SULF2: variants seen among roughly 807,000 people sequenced by gnomAD.
The protein encoded by SULF2 is sulfatase 2.
Under a neutral mutation model 107.7 loss-of-function variants are expected in SULF2, and 52 were observed. That is an observed-to-expected ratio of 0.48 (90% CI 0.39 to 0.61). The LOEUF is 0.61. SULF2 is among the 20% of genes least tolerant of loss of function. The probability of loss-of-function intolerance (pLI) is 0.00; values close to 1 mark genes in which losing one functional copy is unlikely to be tolerated. For synonymous variants in SULF2, 460 were observed against 464.3 expected (o/e 0.99, Z 0.12); for missense variants, 993 against 1,177.3 (o/e 0.84, Z 2.29).
chr20:47,709,207 G>A (rs903995886), intron 3 of SULF2, among the ~76,000 whole-genome samples: 12 of 152,202 alleles, frequency 7.9e-5, no homozygotes, highest in African/African-American at 2.4e-4. Context: ...TGCCTGGGAA[G>A]CTTGGATTCG....
intron 1 of SULF2, among the ~76,000 whole-genome samples, chr20:47,773,271 C>T (rs2090665291): frequency 1.3e-5 from 2 of 152,192 alleles, no homozygotes; most frequent in African/African-American, 4.8e-5. Context: ...TGAAGATTGT[C>T]TTAAGAGCTT....
In SULF2 at chr20:47,672,400, GACA is replaced by G; in HGVS notation, c.1381-10_1381-8del. The G allele has an allele frequency of 1.9e-6, 3 of 1,598,120 alleles. No individual in the cohort carries two copies. The South Asian group carries it at 3.3e-5, about 18-fold the overall frequency. On this transcript the variant is annotated splice_region_variant and splice_polypyrimidine_tract_variant and intron_variant, in intron 10 of 20. Coordinates refer to ENST00000688720, the MANE Select transcript of SULF2 (RefSeq NM_001387048.1). ...CCTCCACACACTGCCACTTCTGAAAGACATGCCAGGGCCTCGGCCAGCTGCTCA... is the reference window on the plus strand; with the variant it reads ...CCTCCACACACTGCCACTTCTGAAAGTGCCAGGGCCTCGGCCAGCTGCTCA...
At chr20:47,785,568 C>G (rs2122797316), upstream of SULF2, 1 of 145,190 alleles carries the variant, frequency 6.9e-6, no homozygotes, top group Middle Eastern at 3.9e-3. Context: ...CCCCTCCCCG[C>G]GCGCCGCCCC....
At chr20:47,737,075 G>C in intron 2 of SULF2, 133 bp from the exon 3 acceptor site, 1 of 1,329,876 alleles carries the variant, frequency 7.5e-7, no homozygotes, top group Non-Finnish European at 1.0e-6. Context: ...AGACGGGGCA[G>C]GGGCCACTGC....
intron 2 of SULF2, among the ~76,000 whole-genome samples, chr20:47,753,165 G>A (rs1441350332): frequency 2.6e-5 from 4 of 151,844 alleles, no homozygotes; most frequent in Non-Finnish European, 5.9e-5. Context: ...GTCTCGTGGG[G>A]CACACTTCAA....
chr20:47,709,878 G>A (rs2088870964), intron 3 of SULF2, among the ~76,000 whole-genome samples: 1 of 151,592 alleles, frequency 6.6e-6, no homozygotes, highest in East Asian at 1.9e-4. Context: ...TGAGGCCCTG[G>A]GGATCCACTC....
chr20:47,763,821 C>T (rs963954696), intron 1 of SULF2, among the ~76,000 whole-genome samples: 1 of 152,224 alleles, frequency 6.6e-6, no homozygotes, highest in Non-Finnish European at 1.5e-5. Context: ...TCCCTTCCAT[C>T]AAGCAGCCAG....
chr20:47,728,769 C>T (rs1354997534), intron 3 of SULF2, among the ~76,000 whole-genome samples: 1 of 152,190 alleles, frequency 6.6e-6, no homozygotes. Context: ...CCTCAGCCTC[C>T]CGAGTAGCTG....
intron 17 of SULF2, among the ~76,000 whole-genome samples, chr20:47,662,835 G>A (rs1362253125): frequency 6.6e-6 from 1 of 152,196 alleles, no homozygotes; most frequent in Non-Finnish European, 1.5e-5. Context: ...GAGGGAAGAA[G>A]CCATATATAT....
intron 3 of SULF2, among the ~76,000 whole-genome samples, chr20:47,713,131 C>T (rs112741731): frequency 1.1e-4 from 17 of 152,244 alleles, no homozygotes; most frequent in East Asian, 3.9e-4. Flanking sequence ...AATGGGTCAA[C>T]GGAGCAGGCA....
At chr20:47,718,177 G>A (rs1469031758) in intron 3 of SULF2, among the ~76,000 whole-genome samples, 1 of 152,054 alleles carries the variant, frequency 6.6e-6, no homozygotes, top group Non-Finnish European at 1.5e-5. Context: ...GGGCTCTGGA[G>A]CCAACAGCTT....
intron 18 of SULF2, among the ~76,000 whole-genome samples, chr20:47,661,234 G>A (rs147752548): frequency 6.6e-6 from 1 of 151,908 alleles, no homozygotes; most frequent in East Asian, 1.9e-4. Context: ...TTCCTGGAGC[G>A]CCAGCCCTCC....
At chr20:47,721,977 CCTCT>C (rs1186125951) in intron 3 of SULF2, among the ~76,000 whole-genome samples, 1 of 152,262 alleles carries the variant, frequency 6.6e-6, no homozygotes, top group South Asian at 2.1e-4. Flanking sequence ...TGGAAAGAGG[CCTCT>C]CTTTCAGCTG....
At chr20:47,784,706 T>TA (rs1186195100) in intron 1 of SULF2, among the ~76,000 whole-genome samples, 2 of 152,140 alleles carry the variant, frequency 1.3e-5, no homozygotes, top group Non-Finnish European at 2.9e-5. Context: ...CGAACTACTA[T>TA]AAGGAATGTT....
At chr20:47,695,283 T>C (rs1205845173) in intron 4 of SULF2, among the ~76,000 whole-genome samples, 1 of 151,554 alleles carries the variant, frequency 6.6e-6, no homozygotes, top group Non-Finnish European at 1.5e-5. Context: ...AAAAGCTTTA[T>C]TGTGGTAAAA....
At chr20:47,672,455 C>T in intron 10 of SULF2, 62 bp from the exon 11 acceptor site, 1 of 1,497,292 alleles carries the variant, frequency 6.7e-7, no homozygotes, top group Non-Finnish European at 8.9e-7. Context: ...CGCCTCTCCC[C>T]TGCCACCCCC....
intron 7 of SULF2, among the ~76,000 whole-genome samples, chr20:47,682,725 G>A (rs1212845806): frequency 6.6e-6 from 1 of 152,190 alleles, no homozygotes; most frequent in Non-Finnish European, 1.5e-5. Context: ...TGACATGCAT[G>A]TGCGCGCACA....
chr20:47,660,496 G>C (rs73312161), intron 18 of SULF2, among the ~76,000 whole-genome samples: 2,841 of 152,270 alleles, frequency 0.019, 87 homozygotes, highest in African/African-American at 0.064. Context: ...CATCCTCCTA[G>C]ACACAGTCCC....
At chr20:47,667,966 G>A (rs1342779728) in intron 11 of SULF2, among the ~76,000 whole-genome samples, 2 of 152,212 alleles carry the variant, frequency 1.3e-5, no homozygotes, top group Admixed American at 6.5e-5. Context: ...CTGAGGGGCC[G>A]GGAAAGGCCT....
Sources: allele counts gnomAD v4.1 joint callset (sites outside exome capture counted in the v4.1 genomes callset), GRCh38; gene constraint gnomAD v4.1.1; transcripts MANE v1.5; gene names NCBI Gene and HGNC (gene_info 2026-07-23, HGNC 2026-07-21).